Variants in VPS35L observed in about 807,000 individuals in gnomAD.
The protein encoded by VPS35L is VPS35 endosomal protein sorting factor like, also known as VPS35 endosomal protein-sorting factor-like.
In VPS35L, 83 loss-of-function variants were observed where a neutral mutation model predicts 133.0. The observed-to-expected ratio is 0.62, with a 90% CI of 0.52 to 0.75. The LOEUF (loss-of-function observed/expected upper bound fraction) is 0.75, where lower values mean the gene tolerates loss of function less well. Among genes scored for constraint, VPS35L ranks in the 30% least tolerant of loss-of-function variants. The pLI, the probability that VPS35L is intolerant of heterozygous loss-of-function variation, is 0.00. For missense variants in VPS35L, 1,083 were observed against 1,206.8 expected, an observed-to-expected ratio of 0.90 and a Z score of 1.52; for synonymous variants, 423 against 449.9, an observed-to-expected ratio of 0.94 and a Z score of 0.76.
chr16:19,674,625 A>G (rs776896326), intron 27 of VPS35L, among the ~76,000 whole-genome samples: 4 of 152,182 alleles, frequency 2.6e-5, no homozygotes, highest in Non-Finnish European at 5.9e-5. Flanking sequence ...TACGTGTACA[A>G]TACATTACTA....
chr16:19,590,673 G>C (rs1403866300), intron 7 of VPS35L, among the ~76,000 whole-genome samples: 3 of 152,192 alleles, frequency 2.0e-5, no homozygotes, highest in Non-Finnish European at 4.4e-5. Flanking sequence ...TGTTGGCCGG[G>C]TGCAGTGGCT....
intron 19 of VPS35L, among the ~76,000 whole-genome samples, chr16:19,635,851 A>G (rs977768590): frequency 6.6e-6 from 1 of 152,188 alleles, no homozygotes; most frequent in Non-Finnish European, 1.5e-5. Context: ...TCTCAGTACT[A>G]TTCTCTCAGC....
chr16:19,558,028 C>T (rs910077518), intron 1 of VPS35L, among the ~76,000 whole-genome samples: 1 of 152,020 alleles, frequency 6.6e-6, no homozygotes, highest in Non-Finnish European at 1.5e-5. Flanking sequence ...CAAGATCGTG[C>T]CATTGCACTC....
chr16:19,568,595 T>G (rs1002494874), intron 2 of VPS35L, among the ~76,000 whole-genome samples: 1 of 152,076 alleles, frequency 6.6e-6, no homozygotes, highest in Non-Finnish European at 1.5e-5. Context: ...AGTCACCTTA[T>G]TAGGACAAAA....
At chr16:19,600,413 G>T (rs1413729745) in intron 8 of VPS35L, among the ~76,000 whole-genome samples, 2 of 152,180 alleles carry the variant, frequency 1.3e-5, no homozygotes, top group African/African-American at 4.8e-5. Context: ...TTTGATACCA[G>T]TTTAGGGGTC....
intron 12 of VPS35L, among the ~76,000 whole-genome samples, chr16:19,611,069 G>A (rs1002413673): frequency 2.0e-5 from 3 of 152,028 alleles, no homozygotes; most frequent in Admixed American, 1.3e-4. Context: ...GCGCCATCTC[G>A]GCTCATTTCA....
intron 5 of VPS35L, among the ~76,000 whole-genome samples, chr16:19,577,584 T>C (rs954987557): frequency 4.6e-5 from 7 of 152,238 alleles, no homozygotes; most frequent in African/African-American, 1.7e-4. Context: ...TTGCATTTTT[T>C]ATTTTATTTG....
At chr16:19,670,195 C>CTTAA (rs1445258033) in intron 27 of VPS35L, among the ~76,000 whole-genome samples, 1 of 152,206 alleles carries the variant, frequency 6.6e-6, no homozygotes, top group Non-Finnish European at 1.5e-5. Flanking sequence ...TCCTCTGGGA[C>CTTAA]CTAATTACTA....
rs375426310 is a variant in VPS35L at position 19,642,491 on chromosome 16, C to T, written c.1865+15C>T. ...GACTCTGTGAAGTAAGCCATGCTTA[C>T]AGCTGAAATATAACATGGATTGGGT... On this transcript the variant is annotated intron_variant, in intron 22 of 30. Coordinates refer to ENST00000417362, the MANE Select transcript of VPS35L (RefSeq NM_020314.7). The T allele has an allele frequency of 6.2e-7, 1 of 1,603,570 alleles. No homozygotes were observed. Among genetic ancestry groups the T allele is most frequent in the Non-Finnish European group, 8.5e-7 (1 of 1,172,118 alleles).
chr16:19,555,872 T>A (rs2285662), intron 1 of VPS35L, 126 bp downstream of exon 1: 195,321 of 1,341,330 alleles, frequency 0.15, 14,952 homozygotes, highest in East Asian at 0.18. Flanking sequence ...ACCCCCAAGT[T>A]GTCTTGACCG....
chr16:19,642,095 A>G (rs1843156426), intron 21 of VPS35L, among the ~76,000 whole-genome samples: 1 of 152,154 alleles, frequency 6.6e-6, no homozygotes, highest in South Asian at 2.1e-4. Flanking sequence ...ATGTAATCCC[A>G]GCTACTTGGG....
At position 19,626,189 on chromosome 16, in the gene VPS35L, G is replaced by A. The variant is rs754691203; in HGVS notation, c.1237G>A (p.Glu413Lys). The A allele has an allele frequency of 8.8e-6, 14 of 1,597,982 alleles. No individual in the cohort carries two copies. The highest frequency in any genetic ancestry group is 1.1e-5 in the South Asian group (1 of 89,634). ...TTTAACATAATAGGCTCTGCTGACC[G>A]AGATGATGGAAAGGTGTAAGAAACT... ...SYHAPEALLT[E>K]MMERCKKLGN... The change falls in exon 15 of 31, where the codon GAG becomes AAG. Residue 413 changes from glutamate (E) to lysine (K), a missense_variant. By Grantham distance (56) the Glu-to-Lys change is moderately conservative (BLOSUM62 1). Transcript: ENST00000417362.
chr16:19,563,076 G>A (rs900047837), intron 1 of VPS35L, among the ~76,000 whole-genome samples: 11 of 152,012 alleles, frequency 7.2e-5, no homozygotes, highest in South Asian at 2.1e-4. Flanking sequence ...AGAGAATTTC[G>A]TAAAAGGAAA....
chr16:19,595,153 A>T (rs983283291), intron 8 of VPS35L, among the ~76,000 whole-genome samples: 24 of 151,996 alleles, frequency 1.6e-4, no homozygotes, highest in Non-Finnish European at 3.2e-4. Context: ...TTTGACTCTG[A>T]CTCTGAGGAC....
intron 26 of VPS35L, among the ~76,000 whole-genome samples, chr16:19,667,821 G>A (rs771277769): frequency 2.6e-5 from 4 of 151,472 alleles, no homozygotes; most frequent in Non-Finnish European, 2.9e-5. Flanking sequence ...TGTTGTCAAC[G>A]CTTTCTCTCA....
At chr16:19,599,980 G>A (rs558054881) in intron 8 of VPS35L, among the ~76,000 whole-genome samples, 8 of 152,304 alleles carry the variant, frequency 5.3e-5, no homozygotes, top group East Asian at 3.9e-4. Context: ...GGTGGAGGCC[G>A]TAGTGAGCTG....
chr16:19,580,217 A>C (rs1971667019), intron 6 of VPS35L, among the ~76,000 whole-genome samples: 1 of 151,676 alleles, frequency 6.6e-6, no homozygotes, highest in Admixed American at 6.6e-5. Flanking sequence ...AGGTTAAAGC[A>C]ATTCTCCTGC....
chr16:19,654,357 C>A (rs560608393), intron 26 of VPS35L, among the ~76,000 whole-genome samples: 1 of 138,436 alleles, frequency 7.2e-6, no homozygotes, highest in East Asian at 1.9e-4. Flanking sequence ...AGGACAGGCA[C>A]GTGTCCTCAC....
At chr16:19,654,879 T>C (rs1398221258) in intron 26 of VPS35L, among the ~76,000 whole-genome samples, 1 of 152,208 alleles carries the variant, frequency 6.6e-6, no homozygotes, top group Non-Finnish European at 1.5e-5. Flanking sequence ...ATCAGGACCA[T>C]GGATCTGAAT....
Sources: gnomAD v4.1 joint callset for allele counts (sites outside exome capture counted in the v4.1 genomes callset) on GRCh38, gnomAD v4.1.1 for gene constraint, MANE v1.5 for transcripts, NCBI Gene and HGNC (gene_info 2026-07-23, HGNC 2026-07-21) for gene names.